The following CLDN2 variants were observed in gnomAD, a reference collection of about 807,000 sequenced individuals.
CLDN2 encodes the protein claudin-2.
Under a neutral mutation model 8.2 loss-of-function variants are expected in CLDN2, and 1 was observed. The observed-to-expected ratio is 0.12, with a 90% CI of 0.04 to 0.58. The LOEUF is 0.58. CLDN2 is among the 20% of genes least tolerant of loss of function. CLDN2 has a pLI of 0.90. For synonymous variants in CLDN2, 70 were observed against 70.2 expected (o/e 1.00, Z 0.01); for missense variants, 108 against 172.9 (o/e 0.62, Z 2.11).
chrX:106,900,901 A>G (rs1490376814), intron 1 of CLDN2: 1 of 1,210,417 alleles, frequency 8.3e-7, no homozygotes, highest in Non-Finnish European at 1.1e-6. Context: ...GATTTAGGCC[A>G]GAAGAGCCTG....
chrX:106,919,943 G>A (rs1933367260), upstream of CLDN2, among the ~76,000 whole-genome samples: 1 of 112,383 alleles, frequency 8.9e-6, no homozygotes, highest in Non-Finnish European at 1.9e-5. Flanking sequence ...GTTTGCCCTT[G>A]AGCCTTGGGA....
At chrX:106,925,962 C>T (rs1035349601) in intron 1 of CLDN2, among the ~76,000 whole-genome samples, 18 of 111,764 alleles carry the variant, frequency 1.6e-4, no homozygotes, top group Admixed American at 1.0e-3. Context: ...GCTAAGATCA[C>T]GCCACCCCAC....
At chrX:106,900,943 T>C (rs1381645418) in intron 1 of CLDN2, 9 of 1,193,507 alleles carry the variant, frequency 7.5e-6, no homozygotes, top group Non-Finnish European at 1.0e-5. Flanking sequence ...CCCTAACAGG[T>C]GTCATATGTG....
At chrX:106,921,438 G>A (rs750531244) in intron 1 of CLDN2, among the ~76,000 whole-genome samples, 2 of 111,770 alleles carry the variant, frequency 1.8e-5, no homozygotes, top group African/African-American at 6.5e-5. Context: ...GGGGGCAAGT[G>A]TCTCAGATTC....
At chrX:106,909,483 C>A (rs1391634237) in intron 1 of CLDN2, among the ~76,000 whole-genome samples, 1 of 111,758 alleles carries the variant, frequency 8.9e-6, no homozygotes, top group Non-Finnish European at 1.9e-5. Flanking sequence ...AAGTTCTGCG[C>A]TCCTCTCCAG....
At chrX:106,909,872 G>A (rs370764249) in intron 1 of CLDN2, among the ~76,000 whole-genome samples, 7 of 111,506 alleles carry the variant, frequency 6.3e-5, no homozygotes, top group African/African-American at 2.0e-4. Context: ...CATGTGGTGC[G>A]GGCTCTCTTG....
At chrX:106,921,155 C>T (rs904619308) in intron 1 of CLDN2, among the ~76,000 whole-genome samples, 15 of 112,301 alleles carry the variant, frequency 1.3e-4, no homozygotes, top group Non-Finnish European at 2.8e-4. Flanking sequence ...AGATCGTAGG[C>T]GATTTTTGTT....
At chrX:106,904,072 T>A (rs1317374329) in intron 1 of CLDN2, among the ~76,000 whole-genome samples, 1 of 111,887 alleles carries the variant, frequency 8.9e-6, no homozygotes, top group African/African-American at 3.2e-5. Flanking sequence ...GAAGCCAGGG[T>A]GCTGGGGAGA....
intron 1 of CLDN2, chrX:106,900,965 G>T: frequency 8.7e-7 from 1 of 1,153,250 alleles, no homozygotes; most frequent in Non-Finnish European, 1.2e-6. Context: ...AGAGGGGCCA[G>T]TAGGGCCAAG....
chrX:106,919,731 G>A (rs1265692595), upstream of CLDN2, among the ~76,000 whole-genome samples: 1 of 112,541 alleles, frequency 8.9e-6, no homozygotes, highest in African/African-American at 3.2e-5. Flanking sequence ...TGATCCACCC[G>A]CCTCGGCCTC....
intron 1 of CLDN2, among the ~76,000 whole-genome samples, chrX:106,909,965 G>A (rs185460420): frequency 2.7e-5 from 3 of 111,346 alleles, no homozygotes; most frequent in African/African-American, 9.8e-5. Context: ...AAGAAGGTGG[G>A]CAGGAGGGAG....
intron 1 of CLDN2, chrX:106,903,288 T>C: frequency 8.4e-7 from 1 of 1,194,374 alleles, no homozygotes. Context: ...CAGAGTCCAT[T>C]CTTAGGGGAC....
chrX:106,901,495 G>A (rs1569284797), intron 1 of CLDN2: 1 of 1,211,498 alleles, frequency 8.3e-7, no homozygotes, highest in Non-Finnish European at 1.1e-6. Flanking sequence ...ATGGAACTTG[G>A]ATTCAGCCTT....
At chrX:106,922,817 T>C (rs917104111) in intron 1 of CLDN2, among the ~76,000 whole-genome samples, 2 of 111,068 alleles carry the variant, frequency 1.8e-5, no homozygotes, top group African/African-American at 6.6e-5. Context: ...GGCTGGATCA[T>C]ATGTGTATGT....
At chrX:106,918,237 G>A (rs1933340597), upstream of CLDN2, 1 of 111,985 alleles carries the variant, frequency 8.9e-6, no homozygotes, top group Admixed American at 9.5e-5. Flanking sequence ...GGTGAAGCCT[G>A]GGAAAAGAAA....
chrX:106,903,154 T>C (rs1279783420), intron 1 of CLDN2: 1 of 1,209,923 alleles, frequency 8.3e-7, no homozygotes, highest in African/African-American at 1.7e-5. Flanking sequence ...ATTTACTTCT[T>C]GTCCAGAGGA....
At chrX:106,902,927 C>T (rs747481458) in intron 1 of CLDN2, among the ~76,000 whole-genome samples, 1 of 112,404 alleles carries the variant, frequency 8.9e-6, no homozygotes, top group Admixed American at 9.4e-5. Context: ...CAACAGCTGT[C>T]CCCAAGTCCC....
intron 1 of CLDN2, among the ~76,000 whole-genome samples, chrX:106,913,025 C>A (rs1441392550): frequency 9.0e-6 from 1 of 110,686 alleles, no homozygotes; most frequent in Admixed American, 9.6e-5. Flanking sequence ...GTGGGTGGAC[C>A]GATATTTTCC....
intron 1 of CLDN2, among the ~76,000 whole-genome samples, chrX:106,912,058 G>C (rs897688207): frequency 9.0e-6 from 1 of 111,669 alleles, no homozygotes; most frequent in Admixed American, 9.5e-5. Flanking sequence ...CAACAGCAGA[G>C]GTCCTTTGGG....
Sources: gnomAD v4.1 joint callset for allele counts (sites outside exome capture counted in the v4.1 genomes callset) on GRCh38, gnomAD v4.1.1 for gene constraint, MANE v1.5 for transcripts, NCBI Gene and HGNC (gene_info 2026-07-23, HGNC 2026-07-21) for gene names.